CPEB2: variants seen among roughly 807,000 people sequenced by gnomAD.
CPEB2 encodes the protein cytoplasmic polyadenylation element-binding protein 2.
CPEB2 carries 56 observed loss-of-function variants against 93.6 expected under a neutral mutation model. That is an observed-to-expected ratio of 0.60 (90% CI 0.48 to 0.75). CPEB2 has a LOEUF of 0.75. Ranked by LOEUF, CPEB2 falls within the 30% of genes least tolerant of loss-of-function variation. The pLI, the probability that CPEB2 is intolerant of heterozygous loss-of-function variation, is 0.00. For missense variants in CPEB2, 1,579 were observed against 1,395.1 expected (o/e 1.13, Z -2.10); for synonymous variants, 764 against 586.3 (o/e 1.30, Z -4.38).
intron 1 of CPEB2, chr4:15,006,471 C>T (rs1722834042): frequency 6.6e-6 from 1 of 150,528 alleles, no homozygotes. Flanking sequence ...ATGGATTTAC[C>T]ATTCTTTGAT....
chr4:15,015,515 C>A (rs1724025306), intron 3 of CPEB2, among the ~76,000 whole-genome samples: 1 of 151,970 alleles, frequency 6.6e-6, no homozygotes, highest in African/African-American at 2.4e-5. Context: ...TGATTCTGAA[C>A]CCCTAGCTTT....
At chr4:15,061,558 G>T (rs143896800) in intron 10 of CPEB2, among the ~76,000 whole-genome samples, 96 of 151,680 alleles carry the variant, frequency 6.3e-4, no homozygotes, top group African/African-American at 2.3e-3. Context: ...TAAAGAGAAA[G>T]GGAGGAGAGG....
intron 7 of CPEB2, among the ~76,000 whole-genome samples, chr4:15,052,859 GTTT>G (rs1405759330): frequency 6.6e-6 from 1 of 151,764 alleles, no homozygotes; most frequent in Non-Finnish European, 1.5e-5. Flanking sequence ...TATTCTACTT[GTTT>G]TTAAAATATA....
intron 11 of CPEB2, among the ~76,000 whole-genome samples, chr4:15,063,419 C>T (rs1019437205): frequency 1.3e-5 from 2 of 151,232 alleles, no homozygotes; most frequent in African/African-American, 4.9e-5. Context: ...GACACGCATA[C>T]GTAACTTTTC....
intron 3 of CPEB2, among the ~76,000 whole-genome samples, chr4:15,015,187 A>C (rs1412805417): frequency 6.6e-6 from 1 of 152,046 alleles, no homozygotes; most frequent in Non-Finnish European, 1.5e-5. Flanking sequence ...GACCTACTGA[A>C]TTTGATGTGT....
In CPEB2 at chr4:15,056,509, C is replaced by T. The variant is rs145456086; in HGVS notation, c.2462-1912C>T. On this transcript the variant is annotated intron_variant, in intron 8 of 11. Transcript: ENST00000538197. Reference sequence around the variant, plus strand: ...TTTTGCAGTATTTAGTTTCTCTAATCGAAAAAATAAAATTGGCACTGGCAA... The same window carrying T: ...TTTTGCAGTATTTAGTTTCTCTAATTGAAAAAATAAAATTGGCACTGGCAA... Among the ~76,000 whole-genome samples, 1,424 of 152,138 alleles carry T rather than the reference C, an allele frequency of 9.4e-3. 27 individuals are homozygous for T. The highest frequency in any genetic ancestry group is 0.033 in the African/African-American group (1,351 of 41,506).
chr4:15,020,557 G>GT (rs775795077), intron 4 of CPEB2, among the ~76,000 whole-genome samples: 2 of 152,018 alleles, frequency 1.3e-5, no homozygotes, highest in Non-Finnish European at 2.9e-5. Flanking sequence ...ACTCCCCAGT[G>GT]TTTTTTCAGG....
Position 15,068,163 on chromosome 4 carries a change from C to T in CPEB2, c.*1783C>T, listed in dbSNP as rs911809952. 1 of 152,238 alleles carries T rather than the reference C, an allele frequency of 6.6e-6. No homozygotes were observed. Among genetic ancestry groups the T allele is most frequent in the Non-Finnish European group, 1.5e-5 (1 of 67,858 alleles). 9.4% of individuals were successfully genotyped at this position (152,238 alleles called of 1,614,324 possible). ...TACAAGGGTGTTGCCTTATAGCAAA[C>T]CCTTGGGACAATCCTTCATGTGAGC... is the stretch of plus-strand genomic sequence containing the variant. On this transcript the variant is annotated 3_prime_UTR_variant, in exon 12 of 12. Coordinates refer to ENST00000538197, the MANE Select transcript of CPEB2 (RefSeq NM_001177382.2).
At position 15,068,168 on chromosome 4, in the gene CPEB2, G is replaced by A. The variant is rs1729836918; in HGVS notation, c.*1788G>A. ...GGGTGTTGCCTTATAGCAAACCCTTGGGACAATCCTTCATGTGAGCAAAGT... is the reference window on the plus strand; with the variant it reads ...GGGTGTTGCCTTATAGCAAACCCTTAGGACAATCCTTCATGTGAGCAAAGT... On this transcript the variant is annotated 3_prime_UTR_variant, in exon 12 of 12. Coordinates refer to ENST00000538197, the MANE Select transcript of CPEB2 (RefSeq NM_001177382.2). 1 of 152,198 alleles carries A rather than the reference G, an allele frequency of 6.6e-6. No individual in the cohort carries two copies. 9.4% of individuals were successfully genotyped at this position (152,198 alleles called of 1,614,324 possible). A position where few individuals can be genotyped will look rare whatever the true frequency, so the allele number is the denominator to read the frequency against.
At position 15,003,636 on chromosome 4, in the gene CPEB2, G is replaced by C; in HGVS notation, c.963G>C (p.Leu321=). ...PGSMESPNHP[L]LNSPSNLLPG... ...CCATGGAGTCCCCCAACCACCCTCTGCTCAACAGTCCCAGTAACCTCCTGC... is the reference window on the plus strand; with the variant it reads ...CCATGGAGTCCCCCAACCACCCTCTCCTCAACAGTCCCAGTAACCTCCTGC... The change falls in exon 1 of 12, where the codon CTG becomes CTC. Residue 321 remains leucine, a synonymous_variant. Coordinates refer to ENST00000538197, the MANE Select transcript of CPEB2 (RefSeq NM_001177382.2). The C allele has an allele frequency of 1.3e-6, 2 of 1,482,098 alleles. No homozygotes were observed. Among genetic ancestry groups the C allele is most frequent in the Non-Finnish European group, 1.8e-6 (2 of 1,120,760 alleles). 91.8% of individuals were successfully genotyped at this position (1,482,098 alleles called of 1,614,324 possible).
At chr4:15,033,892 G>A (rs1430585161) in intron 5 of CPEB2, among the ~76,000 whole-genome samples, 1 of 151,674 alleles carries the variant, frequency 6.6e-6, no homozygotes, top group African/African-American at 2.4e-5. Flanking sequence ...AAATAGGAAG[G>A]GGAAAGAATA....
chr4:15,003,840 G>C lies in CPEB2; in HGVS notation c.1167G>C (p.Ser389=). ...CCCCCTGGTCGGTGCAGACCGCGTC[G>C]CCGCCACCCCAGCCCCAGCAGCCGC... ...FGTPWSVQTA[S]PPPQPQQPPP... is the part of the protein sequence containing the mutation. The change falls in exon 1 of 12, where the codon TCG becomes TCC. Residue 389 remains serine (S), a synonymous_variant. Transcript: ENST00000538197. 1 of 900,950 alleles carries C rather than the reference G, an allele frequency of 1.1e-6. No individual in the cohort carries two copies. The highest frequency in any genetic ancestry group is 1.5e-6 in the Non-Finnish European group (1 of 685,970). 55.8% of individuals were successfully genotyped at this position (900,950 alleles called of 1,614,324 possible). A position where few individuals can be genotyped will look rare whatever the true frequency, so the allele number is the denominator to read the frequency against.
At chr4:15,055,521 G>A (rs943829740) in intron 8 of CPEB2, among the ~76,000 whole-genome samples, 7 of 151,958 alleles carry the variant, frequency 4.6e-5, no homozygotes, top group South Asian at 2.1e-4. Context: ...TAATGTTCCC[G>A]ACTAAGCTAC....
At chr4:15,016,879 G>C (rs892153322) in intron 3 of CPEB2, among the ~76,000 whole-genome samples, 8 of 151,858 alleles carry the variant, frequency 5.3e-5, no homozygotes, top group Non-Finnish European at 1.0e-4. Flanking sequence ...GTGTGTATAA[G>C]ATTTCAGGAA....
intron 6 of CPEB2, among the ~76,000 whole-genome samples, chr4:15,050,752 T>C (rs1728149934): frequency 6.6e-6 from 1 of 152,196 alleles, no homozygotes; most frequent in African/African-American, 2.4e-5. Context: ...TACCACTCCT[T>C]TCTCTAACTC....
chr4:15,047,176 A>AG (rs1473930004), intron 6 of CPEB2, among the ~76,000 whole-genome samples: 3 of 152,194 alleles, frequency 2.0e-5, no homozygotes, highest in Admixed American at 6.5e-5. Flanking sequence ...ATAGCTAACT[A>AG]GTGAGTCTTG....
At chr4:15,023,779 T>C (rs1336858787) in intron 4 of CPEB2, among the ~76,000 whole-genome samples, 1 of 151,942 alleles carries the variant, frequency 6.6e-6, no homozygotes, top group East Asian at 1.9e-4. Flanking sequence ...TATGTAATTA[T>C]TTGTAAATAA....
Position 15,003,998 on chromosome 4 carries a change from G to A in CPEB2, c.1325G>A (p.Ser442Asn). The A allele has an allele frequency of 6.5e-7, 1 of 1,542,084 alleles. No homozygotes were observed. The highest frequency in any genetic ancestry group is 8.7e-7 in the Non-Finnish European group (1 of 1,147,448). Residue 442 changes from serine (S) to asparagine (N), a missense_variant, in exon 1 of 12, where the codon AGC (serine) becomes AAC (asparagine). By Grantham distance (46) the Ser-to-Asn change is conservative. Transcript: ENST00000538197. ...TCGCTCAGCGCCATGCCGCCGCCCA[G>A]CCCCGACTCAGAGAACGGCTTCTAC... ...GGSLSAMPPP[S>N]PDSENGFYPG...
At chr4:15,014,436 C>T (rs1007095124) in intron 3 of CPEB2, among the ~76,000 whole-genome samples, 2 of 151,968 alleles carry the variant, frequency 1.3e-5, no homozygotes, top group Admixed American at 6.6e-5. Context: ...TTACAGCTTA[C>T]ATTTTATAAT....
Sources: gnomAD v4.1 joint callset for allele counts (sites outside exome capture counted in the v4.1 genomes callset) on GRCh38, gnomAD v4.1.1 for gene constraint, MANE v1.5 for transcripts, NCBI Gene and HGNC (gene_info 2026-07-23, HGNC 2026-07-21) for gene names.